RBFOX3: variants seen among roughly 807,000 people sequenced by gnomAD.
RBFOX3 encodes the protein RNA binding protein fox-1 homolog 3.
RBFOX3 carries 17 observed loss-of-function variants against 48.7 expected under a neutral mutation model. The observed-to-expected ratio is 0.35, with a 90% CI of 0.24 to 0.52. RBFOX3 has a LOEUF of 0.52. RBFOX3 is among the 20% of genes least tolerant of loss of function. The pLI, the probability that RBFOX3 is intolerant of heterozygous loss-of-function variation, is 0.94. For synonymous variants in RBFOX3, 212 were observed against 209.5 expected, an observed-to-expected ratio of 1.01 and a Z score of -0.10; for missense variants, 382 against 497.5, an observed-to-expected ratio of 0.77 and a Z score of 2.21.
At chr17:79,460,887 T>C (rs943276641) in intron 2 of RBFOX3, among the ~76,000 whole-genome samples, 1 of 152,222 alleles carries the variant, frequency 6.6e-6, no homozygotes, top group African/African-American at 2.4e-5. Flanking sequence ...ATTTACAAAT[T>C]ACCCAGTCTG....
At chr17:79,202,002 C>T (rs1220710225) in intron 4 of RBFOX3, among the ~76,000 whole-genome samples, 3 of 152,200 alleles carry the variant, frequency 2.0e-5, no homozygotes, top group Admixed American at 6.5e-5. Flanking sequence ...CTCCTCCTGC[C>T]GGCTTCACTC....
intron 9 of RBFOX3, chr17:79,100,375 C>T (rs1035901650): frequency 1.3e-5 from 2 of 152,208 alleles, no homozygotes; most frequent in East Asian, 1.9e-4. Flanking sequence ...AGTGGGAACA[C>T]TCCCAAATTT....
At chr17:79,138,035 A>ACTGTCTCCG (rs1216563818) in intron 4 of RBFOX3, among the ~76,000 whole-genome samples, 3 of 152,140 alleles carry the variant, frequency 2.0e-5, no homozygotes. Context: ...CCCGCCAAGC[A>ACTGTCTCCG]CTGTCTCCGT....
At chr17:79,607,765 G>T (rs1599281763) in intron 1 of RBFOX3, among the ~76,000 whole-genome samples, 2 of 152,202 alleles carry the variant, frequency 1.3e-5, no homozygotes, top group East Asian at 1.9e-4. Context: ...AAGGCTGCAG[G>T]GGAGAGGCAA....
At chr17:79,306,930 C>T (rs938843317) in intron 3 of RBFOX3, among the ~76,000 whole-genome samples, 2 of 152,240 alleles carry the variant, frequency 1.3e-5, no homozygotes, top group Admixed American at 6.5e-5. Flanking sequence ...CCGACATCCA[C>T]GACTCTTGGA....
At position 79,433,956 on chromosome 17, in the gene RBFOX3, G is replaced by A. The variant is rs1008726206; in HGVS notation, c.-175+48498C>T. Among the ~76,000 whole-genome samples the A allele has an allele frequency of 2.6e-5, 4 of 152,220 alleles. 1 individual carries two copies. Among genetic ancestry groups the A allele is most frequent in the African/African-American group, 9.6e-5 (4 of 41,530 alleles). ...TATATACTGTTGATTTGTTAACATT[G>A]AACTCACGGCTAACAGCACTAGAGG... On this transcript the variant is annotated intron_variant, in intron 2 of 14. Transcript: ENST00000693108.
At chr17:79,294,778 C>T (rs2074055412) in intron 3 of RBFOX3, among the ~76,000 whole-genome samples, 2 of 152,210 alleles carry the variant, frequency 1.3e-5, no homozygotes, top group African/African-American at 4.8e-5. Flanking sequence ...ACGGGACACA[C>T]ATTTATCACC....
chr17:79,303,368 T>C (rs1167072546), intron 3 of RBFOX3, among the ~76,000 whole-genome samples: 1 of 152,048 alleles, frequency 6.6e-6, no homozygotes, highest in African/African-American at 2.4e-5. Context: ...CAGCATCGTC[T>C]GAGTGGTCTT....
intron 2 of RBFOX3, among the ~76,000 whole-genome samples, chr17:79,395,472 T>C (rs115369367): frequency 0.023 from 3,446 of 152,332 alleles, 123 homozygotes; most frequent in African/African-American, 0.077. Context: ...TGACCCTCAC[T>C]GAGGCCAAAG....
intron 2 of RBFOX3, among the ~76,000 whole-genome samples, chr17:79,334,955 A>T (rs2080965553): frequency 1.3e-5 from 2 of 152,078 alleles, no homozygotes. Flanking sequence ...AACCTTGGAC[A>T]TTCTGTCTAG....
intron 4 of RBFOX3, among the ~76,000 whole-genome samples, chr17:79,155,593 A>AG (rs1365121171): frequency 1.3e-5 from 2 of 152,130 alleles, no homozygotes; most frequent in African/African-American, 2.4e-5. Context: ...AGCTGGGGGC[A>AG]GGGGGGTCTC....
At chr17:79,368,358 C>A (rs922274476) in intron 2 of RBFOX3, among the ~76,000 whole-genome samples, 1 of 152,216 alleles carries the variant, frequency 6.6e-6, no homozygotes, top group Non-Finnish European at 1.5e-5. Flanking sequence ...GGTGGGGGAC[C>A]AGGAAGCCAG....
At chr17:79,645,869 C>T in the RBFOX3 span, among the ~76,000 whole-genome samples, 1 of 152,060 alleles carries the variant, frequency 6.6e-6, no homozygotes, top group South Asian at 2.1e-4. Flanking sequence ...CATGGAGGGG[C>T]CCAGAACCAA....
intron 1 of RBFOX3, among the ~76,000 whole-genome samples, chr17:79,562,138 G>C (rs905499667): frequency 6.6e-6 from 1 of 152,230 alleles, no homozygotes; most frequent in African/African-American, 2.4e-5. Context: ...AGCTGAGATT[G>C]TGTTAAACAA....
chr17:79,431,487 A>ATTT lies in RBFOX3; in HGVS notation c.-175+50964_-175+50966dup, dbSNP rs10633689. ...CCCCACCCCCCACCATGCCTGGCTA[A>ATTT]TTTTTTTTTTTTTTTTGAGATGGAT... On this transcript the variant is annotated intron_variant, in intron 2 of 14. Coordinates refer to ENST00000693108, the MANE Select transcript of RBFOX3 (RefSeq NM_001350451.2). Among the ~76,000 whole-genome samples the ATTT allele has an allele frequency of 3.4e-3, 411 of 121,390 alleles. 23 individuals carry two copies. Among genetic ancestry groups the ATTT allele is most frequent in the South Asian group, 0.014 (49 of 3,516 alleles). 79.6% of individuals were successfully genotyped at this position (121,390 alleles called of 152,430 possible). A position where few individuals can be genotyped will look rare whatever the true frequency, so the allele number is the denominator to read the frequency against.
intron 3 of RBFOX3, among the ~76,000 whole-genome samples, chr17:79,246,431 T>A (rs2063178570): frequency 2.0e-5 from 3 of 152,252 alleles, no homozygotes; most frequent in Admixed American, 1.3e-4. Context: ...CTGAGTGGGC[T>A]GTTCTTCCTT....
intron 2 of RBFOX3, among the ~76,000 whole-genome samples, chr17:79,465,794 G>T (rs910525327): frequency 2.0e-5 from 3 of 152,160 alleles, no homozygotes; most frequent in Non-Finnish European, 4.4e-5. Context: ...CCTCTCATCC[G>T]CCCAGCAGGG....
chr17:79,244,944 T>A (rs1208378989), intron 3 of RBFOX3, among the ~76,000 whole-genome samples: 1 of 149,986 alleles, frequency 6.7e-6, no homozygotes, highest in Non-Finnish European at 1.5e-5. Flanking sequence ...CCTTCCTTTT[T>A]TCTTTTCCTT....
At chr17:79,129,370 G>GAGTTCATTCTAA (rs1555701297) in intron 4 of RBFOX3, among the ~76,000 whole-genome samples, 1 of 146,186 alleles carries the variant, frequency 6.8e-6, no homozygotes, top group Admixed American at 6.8e-5. Flanking sequence ...GGAACCACCT[G>GAGTTCATTCTAA]CTGCTACCTG....
Sources: gnomAD v4.1 joint callset for allele counts (sites outside exome capture counted in the v4.1 genomes callset) on GRCh38, gnomAD v4.1.1 for gene constraint, MANE v1.5 for transcripts, NCBI Gene and HGNC (gene_info 2026-07-23, HGNC 2026-07-21) for gene names.